SYCP2: variants seen among roughly 807,000 people sequenced by gnomAD.
SYCP2 encodes synaptonemal complex protein 2, also known as synaptonemal complex lateral element protein.
In SYCP2, 55 loss-of-function variants were observed where a neutral mutation model predicts 211.3. The observed-to-expected ratio is 0.26, with a 90% CI of 0.21 to 0.33. The LOEUF is 0.33. Ranked by LOEUF, SYCP2 falls within the 10% of genes least tolerant of loss-of-function variation. The probability of loss-of-function intolerance (pLI) is 1.00; values close to 1 mark genes in which losing one functional copy is unlikely to be tolerated. For missense variants in SYCP2, 1,731 were observed against 1,752.0 expected (o/e 0.99, Z 0.21); for synonymous variants, 570 against 555.2 (o/e 1.03, Z -0.37).
chr20:59,867,798 C>G lies in SYCP2; in HGVS notation c.4038G>C (p.Trp1346Cys). The G allele has an allele frequency of 6.2e-7, 1 of 1,609,206 alleles. No individual in the cohort carries two copies. The stretch of plus-strand genomic sequence containing the variant: ...CTGCAAATTCATTTTGCCAGGTCTC[C>G]CAAGGAATAGAAAAGTCATTTGTTG... ...SLSTNDFSIP[W>C]ETWQNEFAGI... is the part of the protein sequence containing the mutation. The change falls in exon 39 of 45, where the codon TGG becomes TGC. Residue 1346 changes from tryptophan (W) to cysteine (C), a missense_variant. Coordinates refer to ENST00000357552, the MANE Select transcript of SYCP2 (RefSeq NM_014258.4).
intron 24 of SYCP2, among the ~76,000 whole-genome samples, chr20:59,890,857 G>A (rs577764314): frequency 4.6e-4 from 70 of 151,714 alleles, no homozygotes; most frequent in Admixed American, 1.5e-3. Flanking sequence ...ATCTTTGTTC[G>A]GACAAAAAGA....
intron 20 of SYCP2, among the ~76,000 whole-genome samples, chr20:59,894,183 C>T (rs529901590): frequency 5.3e-5 from 8 of 152,098 alleles, no homozygotes; most frequent in Admixed American, 1.3e-4. Context: ...TTAGTCTAAG[C>T]TATTTTGCCT....
At chr20:59,880,198 T>C in intron 31 of SYCP2, 105 bp downstream of exon 31, 1 of 834,634 alleles carries the variant, frequency 1.2e-6, no homozygotes, top group Non-Finnish European at 1.8e-6. Context: ...TGAAAGTATG[T>C]AGTAATGAAC....
rs1309930233 is a variant in SYCP2, at chr20:59,893,144, A to C, written c.1791T>G (p.Thr597=). 3 of 1,596,942 alleles carry C rather than the reference A, an allele frequency of 1.9e-6. No individual in the cohort carries two copies. The highest frequency in any genetic ancestry group is 3.4e-5 in the Admixed American group (2 of 59,428). Residue 597 remains threonine (T), a splice_region_variant and synonymous_variant, in exon 22 of 45, where the codon ACT becomes ACG. Transcript: ENST00000357552. ...DSQAAEKRDH[T]ILPGVLDNIC... is the part of the protein sequence containing the mutation. ...TTTGATGGTTTTCTCATACTTACAT[A>C]GTATGATCTCTTTTTTCCGCTGCCT... is the stretch of plus-strand genomic sequence containing the variant.
intron 9 of SYCP2, 131 bp downstream of exon 9, chr20:59,915,334 A>G (rs765822758): frequency 2.1e-6 from 2 of 963,884 alleles, no homozygotes; most frequent in Non-Finnish European, 3.2e-6. Context: ...AATTATATGC[A>G]TACACTAAAT....
intron 24 of SYCP2, among the ~76,000 whole-genome samples, chr20:59,889,955 G>C (rs1180854759): frequency 6.6e-6 from 1 of 152,090 alleles, no homozygotes; most frequent in Non-Finnish European, 1.5e-5. Flanking sequence ...TTACACTGTT[G>C]GGAGTGTAAA....
chr20:59,881,881 A>G, intron 28 of SYCP2, 64 bp downstream of exon 28: 1 of 1,294,376 alleles, frequency 7.7e-7, no homozygotes, highest in Non-Finnish European at 1.1e-6. Flanking sequence ...TCTATGTAAT[A>G]ACTGCATGGT....
At chr20:59,907,969 A>G (rs2145815055) in intron 14 of SYCP2, among the ~76,000 whole-genome samples, 1 of 152,334 alleles carries the variant, frequency 6.6e-6, no homozygotes, top group African/African-American at 2.4e-5. Context: ...ATTCCTGGCC[A>G]GGCACGGTGG....
intron 26 of SYCP2, 80 bp from the exon 27 acceptor site, chr20:59,882,245 C>A: frequency 1.1e-5 from 11 of 1,038,418 alleles, no homozygotes; most frequent in Admixed American, 6.8e-5. Flanking sequence ...ATCAGAAATG[C>A]AAATCAAAAA....
chr20:59,895,477 C>T lies in SYCP2; in HGVS notation c.1625G>A (p.Arg542Lys). Residue 542 changes from arginine (R) to lysine (K), a missense_variant, in exon 20 of 45, where the codon AGA (arginine) becomes AAA (lysine). Around this residue, in one of 3 missense-constraint regions of SYCP2, gnomAD observed 1,387 missense variants for 1,351.3 expected, o/e 1.03. Coordinates refer to ENST00000357552, the MANE Select transcript of SYCP2 (RefSeq NM_014258.4). ...TCTTCTATGTCTTCCTTCTGATGAT[C>T]TAGATTTCAGTGATGCAGCATTATC... ...RVDNAASLKS[R>K]SSEGRHRRDN... is the part of the protein sequence containing the mutation. The T allele has an allele frequency of 6.2e-7, 1 of 1,612,398 alleles. No individual in the cohort carries two copies. The highest frequency in any genetic ancestry group is 8.5e-7 in the Non-Finnish European group (1 of 1,178,968).
rs776190070 is a variant in SYCP2 at position 59,874,061 on chromosome 20, C to A, written c.3350G>T (p.Cys1117Phe). ...ATCCTTTTCTGTTATTTTCTCTATA[C>A]CTATATTGCATCAAAATAAAAAAGA... ...GSPSSIEVTR[C>F]IEKITEKDFT... Residue 1117 changes from cysteine to phenylalanine, a missense_variant and splice_region_variant, in exon 35 of 45, where the codon TGT (cysteine) becomes TTT (phenylalanine). By Grantham distance (205) the Cys-to-Phe change is radical. Around this residue, in one of 3 missense-constraint regions of SYCP2, gnomAD observed 1,387 missense variants for 1,351.3 expected, o/e 1.03. Transcript: ENST00000357552. 9 of 1,528,850 alleles carry A rather than the reference C, an allele frequency of 5.9e-6. No individual in the cohort carries two copies. The Admixed American group carries it at 8.4e-5, about 14-fold the overall frequency. The allele number at this position is 1,528,850 out of a possible 1,614,324, so 94.7% of individuals were successfully genotyped here. A position where few individuals can be genotyped will look rare whatever the true frequency, so the allele number is the denominator to read the frequency against.
chr20:59,912,465 C>T, intron 12 of SYCP2, 47 bp from the exon 13 acceptor site: 1 of 696,874 alleles, frequency 1.4e-6, no homozygotes, highest in South Asian at 1.8e-5. Flanking sequence ...GCTTTCACAG[C>T]ATAATCTTGT....
chr20:59,894,931 T>C (rs767228024), intron 20 of SYCP2, among the ~76,000 whole-genome samples: 1 of 152,068 alleles, frequency 6.6e-6, no homozygotes, highest in Non-Finnish European at 1.5e-5. Flanking sequence ...CAATTCATTC[T>C]CCATATTTTC....
intron 18 of SYCP2, among the ~76,000 whole-genome samples, chr20:59,897,635 G>C (rs957531891): frequency 3.6e-4 from 54 of 152,018 alleles, no homozygotes; most frequent in African/African-American, 1.2e-3. Context: ...TTATCTCGGG[G>C]AAATAAATGA....
At position 59,866,603 on chromosome 20, in the gene SYCP2, A is replaced by G; in HGVS notation, c.4126-14T>C. On this transcript the variant is annotated splice_polypyrimidine_tract_variant and intron_variant, in intron 39 of 44. Transcript: ENST00000357552. ...TTTATGTCGGATCTGAAAAATACTC[A>G]TTTTTAAGTTAAAATATCTTTACAA... The G allele has an allele frequency of 6.5e-7, 1 of 1,541,986 alleles. No homozygotes were observed. Among genetic ancestry groups the G allele is most frequent in the East Asian group, 2.3e-5 (1 of 43,818 alleles).
At chr20:59,876,065 T>C (rs1019594615) in intron 33 of SYCP2, among the ~76,000 whole-genome samples, 1 of 151,924 alleles carries the variant, frequency 6.6e-6, no homozygotes, top group Non-Finnish European at 1.5e-5. Context: ...ATTTGTATGG[T>C]AAACTTCCTT....
At chr20:59,900,565 T>C (rs1471823963) in intron 17 of SYCP2, among the ~76,000 whole-genome samples, 179 bp downstream of exon 17, 1 of 152,130 alleles carries the variant, frequency 6.6e-6, no homozygotes, top group African/African-American at 2.4e-5. Flanking sequence ...CCCTACTCTT[T>C]ACACTAAAAT....
intron 26 of SYCP2, among the ~76,000 whole-genome samples, chr20:59,883,555 C>A (rs2059725078): frequency 6.6e-6 from 1 of 150,840 alleles, no homozygotes; most frequent in African/African-American, 2.4e-5. Context: ...CATGGATGAA[C>A]CAAGACAAGA....
intron 44 of SYCP2, among the ~76,000 whole-genome samples, chr20:59,865,119 T>C (rs2059303534): frequency 6.6e-6 from 1 of 152,056 alleles, no homozygotes; most frequent in South Asian, 2.1e-4. Context: ...ACCCAGTGTT[T>C]AGAAACTGCA....
Sources: gnomAD v4.1 joint callset for allele counts (sites outside exome capture counted in the v4.1 genomes callset) on GRCh38, gnomAD v4.1.1 for gene constraint, gnomAD v4.1.1 regional missense constraint, MANE v1.5 for transcripts, NCBI Gene and HGNC (gene_info 2026-07-23, HGNC 2026-07-21) for gene names.